LRPAP1: variants seen among roughly 807,000 people sequenced by gnomAD.
The protein encoded by LRPAP1 is alpha-2-macroglobulin receptor-associated protein.
Under a neutral mutation model 39.9 loss-of-function variants are expected in LRPAP1, and 41 were observed. The ratio of observed to expected loss-of-function variants is 1.03; its 90% CI spans 0.80 to 1.33. The LOEUF (loss-of-function observed/expected upper bound fraction) is 1.33. Among genes scored for constraint, LRPAP1 ranks in the 40% most tolerant of loss-of-function variants. The pLI is 0.00. For synonymous variants in LRPAP1, 263 were observed against 212.7 expected (o/e 1.24, Z -2.06); for missense variants, 565 against 482.3 (o/e 1.17, Z -1.61).
chr4:3,517,044 C>A (rs547021990), intron 5 of LRPAP1, among the ~76,000 whole-genome samples: 14 of 152,360 alleles, frequency 9.2e-5, no homozygotes, highest in African/African-American at 3.1e-4. Context: ...CTCTCCAGCA[C>A]AGGAACTCAG....
rs1407828563 is a variant in LRPAP1, at chr4:3,509,106, A to C, written c.*3868T>G. 6.6e-6 allele frequency: 1 copy of C among 152,310 alleles called. No individual in the cohort carries two copies. The highest frequency in any genetic ancestry group is 2.4e-5 in the African/African-American group (1 of 41,474). 9.4% of individuals were successfully genotyped at this position (152,310 alleles called of 1,614,324 possible). ...TAGCATATCGAACACCTAGGACTAG[A>C]TCTAAAGGAAAACATGCCAGACACA... is the stretch of plus-strand genomic sequence containing the variant. On this transcript the variant is annotated 3_prime_UTR_variant, in exon 8 of 8. Coordinates refer to ENST00000650182, the MANE Select transcript of LRPAP1 (RefSeq NM_002337.4).
In LRPAP1 at chr4:3,514,790, C is replaced by T. The variant is rs148077268; in HGVS notation, c.973G>A (p.Ala325Thr). The T allele has an allele frequency of 1.9e-5, 30 of 1,612,510 alleles. No homozygotes were observed. The highest frequency in any genetic ancestry group is 4.4e-5 in the South Asian group (4 of 91,048). The change falls in exon 7 of 8, where the codon GCC (alanine) becomes ACC (threonine). Residue 325 changes from alanine (A) to threonine (T), a missense_variant. Ala to Thr is a moderately conservative substitution (Grantham distance 58). Coordinates refer to ENST00000650182, the MANE Select transcript of LRPAP1 (RefSeq NM_002337.4). ...TCCTTGGTCCGCCCCTCCAGCAGGG[C>T]GTGCTTCTCGCGGCTGCGGCTCACA... Reference protein sequence around the residue: ...ERVSRSREKHALLEGRTKELG... With the variant: ...ERVSRSREKHTLLEGRTKELG...
intron 2 of LRPAP1, among the ~76,000 whole-genome samples, chr4:3,522,179 C>A (rs1259234927): frequency 6.6e-6 from 1 of 152,236 alleles, no homozygotes; most frequent in Admixed American, 6.5e-5. Context: ...AGGTCCCACC[C>A]CCAGGCCGTG....
chr4:3,515,228 G>A (rs1358133412), intron 6 of LRPAP1, among the ~76,000 whole-genome samples: 1 of 152,176 alleles, frequency 6.6e-6, no homozygotes, highest in African/African-American at 2.4e-5. Context: ...ATGTCCAGGG[G>A]CTGTGCTTCT....
In LRPAP1 at chr4:3,517,982, A is replaced by C. The variant is rs544415883; in HGVS notation, c.751+52T>G. 2.1e-5 allele frequency: 33 copies of C among 1,541,152 alleles called. No individual in the cohort carries two copies. In the East Asian group the frequency reaches 6.8e-4, roughly 32 times the overall value. On this transcript the variant is annotated intron_variant, in intron 5 of 7. Transcript: ENST00000650182. Reference sequence around the variant, plus strand: ...ACCTGCCTGCTTGTCCCCAAAACACAACCAGAGACGGCCCCACCCTCGGGA... The same window carrying C: ...ACCTGCCTGCTTGTCCCCAAAACACCACCAGAGACGGCCCCACCCTCGGGA...
At chr4:3,524,755 T>C in intron 2 of LRPAP1, 152 bp downstream of exon 2, 1 of 902,150 alleles carries the variant, frequency 1.1e-6, no homozygotes, top group South Asian at 1.5e-5. Context: ...GCACTCAGGA[T>C]GCTCGGGGAA....
In LRPAP1 at chr4:3,518,856, G is replaced by T; in HGVS notation, c.592+15C>A. 6.6e-7 allele frequency: 1 copy of T among 1,525,282 alleles called. No homozygotes were observed. Among genetic ancestry groups the T allele is most frequent in the Non-Finnish European group, 8.9e-7 (1 of 1,129,864 alleles). The allele number at this position is 1,525,282 out of a possible 1,614,324, so 94.5% of individuals were successfully genotyped here. On this transcript the variant is annotated intron_variant, in intron 4 of 7. Transcript: ENST00000650182. ...GGTGGGGCAGAGGGCAGGAGGGGGTGGGGGCGGGGGGCACCTTCGGTCCTG... is the reference window on the plus strand; with the variant it reads ...GGTGGGGCAGAGGGCAGGAGGGGGTTGGGGCGGGGGGCACCTTCGGTCCTG...
At position 3,514,775 on chromosome 4, in the gene LRPAP1, G is replaced by GC. The variant is rs1171534001; in HGVS notation, c.987dup (p.Arg330AlafsTer77). On this transcript the variant is annotated frameshift_variant, in exon 7 of 8. Transcript: ENST00000650182. LOFTEE classifies it high-confidence loss of function. Reference sequence around the variant, plus strand: ...ACCGTGTAGCCCAGCTCCTTGGTCCGCCCCTCCAGCAGGGCGTGCTTCTCG... The same window carrying GC: ...ACCGTGTAGCCCAGCTCCTTGGTCCGCCCCCTCCAGCAGGGCGTGCTTCTCG... 1 of 1,610,670 alleles carries GC rather than the reference G, an allele frequency of 6.2e-7. No homozygotes were observed. The highest frequency in any genetic ancestry group is 8.5e-7 in the Non-Finnish European group (1 of 1,179,350).
In LRPAP1 at chr4:3,508,649, A is replaced by G. The variant is rs1011466561; in HGVS notation, c.*4325T>C. The G allele has an allele frequency of 1.3e-5, 2 of 152,244 alleles. No homozygotes were observed. Among genetic ancestry groups the G allele is most frequent in the African/African-American group, 4.8e-5 (2 of 41,444 alleles). The allele number at this position is 152,244 out of a possible 1,614,324, so 9.4% of individuals were successfully genotyped here. A position where few individuals can be genotyped will look rare whatever the true frequency, so the allele number is the denominator to read the frequency against. ...CCTGGAAATGCCAGGTCATCTTGGCATATGAAAGTCAGCGTAATTCACTAC... is the reference window on the plus strand; with the variant it reads ...CCTGGAAATGCCAGGTCATCTTGGCGTATGAAAGTCAGCGTAATTCACTAC... On this transcript the variant is annotated 3_prime_UTR_variant, in exon 8 of 8. Coordinates refer to ENST00000650182, the MANE Select transcript of LRPAP1 (RefSeq NM_002337.4).
At position 3,525,025 on chromosome 4, in the gene LRPAP1, G is replaced by T; in HGVS notation, c.231C>A (p.Ala77=). 6.2e-7 allele frequency: 1 copy of T among 1,614,008 alleles called. No individual in the cohort carries two copies. Among genetic ancestry groups the T allele is most frequent in the Non-Finnish European group, 8.5e-7 (1 of 1,180,016 alleles). Residue 77 remains alanine (A), a synonymous_variant, in exon 2 of 8, where the codon GCC becomes GCA. Transcript: ENST00000650182. ...QRLHLPPVRL[A]ELHADLKIQE... is the part of the protein sequence containing the mutation. The stretch of plus-strand genomic sequence containing the variant: ...GTATCTTCAGATCAGCGTGGAGCTC[G>T]GCCAGCCTCACGGGAGGAAGATGCA...
intron 2 of LRPAP1, among the ~76,000 whole-genome samples, chr4:3,522,248 G>A (rs1252350927): frequency 6.6e-6 from 1 of 152,226 alleles, no homozygotes; most frequent in South Asian, 2.1e-4. Context: ...ATGTCCTGGG[G>A]CTCTGAGGCT....
chr4:3,531,747 G>A (rs1222148588), intron 1 of LRPAP1, among the ~76,000 whole-genome samples: 1 of 152,216 alleles, frequency 6.6e-6, no homozygotes, highest in Non-Finnish European at 1.5e-5. Flanking sequence ...CTCATTTCTC[G>A]CTCAAATGAA....
chr4:3,524,675 C>A (rs1024863090), intron 2 of LRPAP1, among the ~76,000 whole-genome samples: 5 of 152,206 alleles, frequency 3.3e-5, no homozygotes, highest in African/African-American at 9.6e-5. Flanking sequence ...GTTAGCCCCC[C>A]CAAACACTGA....
At chr4:3,517,042 C>T (rs977521306) in intron 5 of LRPAP1, among the ~76,000 whole-genome samples, 1 of 152,252 alleles carries the variant, frequency 6.6e-6, no homozygotes, top group African/African-American at 2.4e-5. Context: ...GTCTCTCCAG[C>T]ACAGGAACTC....
intron 2 of LRPAP1, among the ~76,000 whole-genome samples, chr4:3,523,298 G>A (rs1729974892): frequency 6.6e-6 from 1 of 152,156 alleles, no homozygotes; most frequent in Non-Finnish European, 1.5e-5. Context: ...CTTGGCCCTT[G>A]GGAATGGCCC....
At chr4:3,517,119 G>GAC (rs10667520) in intron 5 of LRPAP1, among the ~76,000 whole-genome samples, 107,104 of 152,000 alleles carry the variant, frequency 0.7, 38,138 homozygotes, top group East Asian at 0.92. Context: ...GCCTACGGCT[G>GAC]ACAGTCACCA....
chr4:3,530,502 C>T (rs560833530), intron 1 of LRPAP1, among the ~76,000 whole-genome samples: 2 of 152,342 alleles, frequency 1.3e-5, no homozygotes, highest in South Asian at 4.1e-4. Flanking sequence ...AACTTCAGGA[C>T]TTAAAGGGAC....
intron 7 of LRPAP1, among the ~76,000 whole-genome samples, chr4:3,513,666 G>C (rs1163879555): frequency 1.3e-5 from 2 of 152,168 alleles, no homozygotes; most frequent in East Asian, 3.9e-4. Flanking sequence ...CTCTGGGAAA[G>C]GCGCCTTCCT....
At chr4:3,532,178 C>G in intron 1 of LRPAP1, 31 bp downstream of exon 1, 1 of 1,188,508 alleles carries the variant, frequency 8.4e-7, no homozygotes, top group East Asian at 2.7e-5. Flanking sequence ...CGCCCCCAGG[C>G]CCCGCTCCAC....
Sources: gnomAD v4.1 joint callset for allele counts (sites outside exome capture counted in the v4.1 genomes callset) on GRCh38, gnomAD v4.1.1 for gene constraint, MANE v1.5 for transcripts, NCBI Gene and HGNC (gene_info 2026-07-23, HGNC 2026-07-21) for gene names.